TBPL2: variants seen among roughly 807,000 people sequenced by gnomAD.
TBPL2 encodes the protein TATA-box binding protein like 2, also known as TATA box-binding protein-like 2.
TBPL2 carries 40 observed loss-of-function variants against 38.2 expected under a neutral mutation model. The observed-to-expected ratio is 1.05, with a 90% CI of 0.81 to 1.36. The LOEUF (loss-of-function observed/expected upper bound fraction) is 1.36, where lower values mean the gene tolerates loss of function less well. Among genes scored for constraint, TBPL2 ranks in the 40% most tolerant of loss-of-function variants. The probability of loss-of-function intolerance (pLI) is 0.00; values close to 1 mark genes in which losing one functional copy is unlikely to be tolerated. For synonymous variants in TBPL2, 169 were observed against 171.7 expected (o/e 0.98, Z 0.12); for missense variants, 461 against 456.7 (o/e 1.01, Z -0.09).
rs1374632898 is a variant in TBPL2 at position 55,415,512 on chromosome 14, CT to C, written c.1052-1058del. ...AATACTACGCACTTTCATTGCAGCA[CT>C]ATTCACACTTGCCAAAAGGTGGAAA... On this transcript the variant is annotated intron_variant, in intron 6 of 6. Coordinates refer to ENST00000247219, the Ensembl canonical transcript of TBPL2. 2.0e-5 allele frequency among the ~76,000 whole-genome samples: 3 copies of C among 152,182 alleles called. No individual in the cohort carries two copies. In the East Asian group the frequency reaches 5.8e-4, roughly 29 times the overall value.
At chr14:55,414,312 A>G (rs892565228) in exon 7 of TBPL2, 2 of 1,187,614 alleles carry the variant, frequency 1.7e-6, no homozygotes, top group African/African-American at 3.1e-5. Context: ...AGAAGAATCC[A>G]GCTGTTTCTG....
chr14:55,424,889 G>A (rs748664781), intron 5 of TBPL2, among the ~76,000 whole-genome samples: 1 of 152,188 alleles, frequency 6.6e-6, no homozygotes, highest in Non-Finnish European at 1.5e-5. Flanking sequence ...ACTCCAGCCT[G>A]GAGAGGAGGG....
At chr14:55,436,023 T>TA in intron 2 of TBPL2, 89 bp from the exon 3 acceptor site, 1 of 778,744 alleles carries the variant, frequency 1.3e-6, no homozygotes, top group Non-Finnish European at 2.0e-6. Flanking sequence ...TCTTAGGTTA[T>TA]ACCTTAGCAA....
intron 6 of TBPL2, among the ~76,000 whole-genome samples, chr14:55,416,724 T>C (rs1021349103): frequency 1.3e-5 from 2 of 152,204 alleles, no homozygotes; most frequent in African/African-American, 4.8e-5. Context: ...TGATGGACTT[T>C]TTGGGCTTCT....
At chr14:55,433,994 T>C (rs1885975855) in intron 3 of TBPL2, among the ~76,000 whole-genome samples, 1 of 152,240 alleles carries the variant, frequency 6.6e-6, no homozygotes. Context: ...TTGTGTTTAT[T>C]ATCCTCATTT....
intron 5 of TBPL2, 32 bp from the exon 6 acceptor site, chr14:55,424,285 T>C: frequency 1.4e-6 from 2 of 1,450,212 alleles, no homozygotes; most frequent in Non-Finnish European, 1.9e-6. Flanking sequence ...ATGTTAAAAA[T>C]AGCACTATTC....
chr14:55,430,168 A>G (rs1885902330), intron 4 of TBPL2, among the ~76,000 whole-genome samples: 1 of 152,140 alleles, frequency 6.6e-6, no homozygotes. Context: ...GTAGGTAGCA[A>G]CACCTGCAGG....
exon 1 of TBPL2, chr14:55,440,528 C>A (rs1566596928): frequency 9.3e-6 from 15 of 1,607,352 alleles, no homozygotes; most frequent in Non-Finnish European, 1.2e-5. Context: ...CCCGCTCCGG[C>A]CAGGGCGCAG....
At chr14:55,419,030 C>T (rs189422244) in intron 6 of TBPL2, among the ~76,000 whole-genome samples, 25 of 152,342 alleles carry the variant, frequency 1.6e-4, no homozygotes, top group Non-Finnish European at 3.5e-4. Flanking sequence ...CCAGTCCATC[C>T]TTTTAGCCAC....
rs566048137 is a variant in TBPL2, at chr14:55,436,991, G to A, written c.178C>T (p.Leu60=). The change falls in exon 2 of 7, where the codon CTG becomes TTG. Residue 60 remains leucine (L), a synonymous_variant. Transcript: ENST00000247219. The stretch of plus-strand genomic sequence containing the variant: ...TCATAAGGTACAACTGGGCTGAACA[G>A]GGGAGACCTGGGTGGGGCAAGGCCA... 34 of 1,614,110 alleles carry A rather than the reference G, an allele frequency of 2.1e-5. No homozygotes were observed. In the African/African-American group the frequency reaches 4.0e-4, roughly 19 times the overall value.
chr14:55,424,261 G>A lies in TBPL2; in HGVS notation c.957-8C>T. The A allele has an allele frequency of 8.8e-6, 14 of 1,582,478 alleles. No homozygotes were observed. The highest frequency in any genetic ancestry group is 1.2e-5 in the Non-Finnish European group (14 of 1,152,666). ...AACAGTTCAGGCTCGTAACTGTTAA[G>A]ATGTAAAAGGAAAATGTTAAAAATA... is the stretch of plus-strand genomic sequence containing the variant. On this transcript the variant is annotated splice_region_variant and splice_polypyrimidine_tract_variant and intron_variant, in intron 5 of 6. Coordinates refer to ENST00000247219, the Ensembl canonical transcript of TBPL2.
intron 6 of TBPL2, among the ~76,000 whole-genome samples, chr14:55,422,231 T>G (rs554134761): frequency 6.6e-6 from 1 of 152,316 alleles, no homozygotes; most frequent in Admixed American, 6.5e-5. Context: ...GAGATCAGTT[T>G]GGCTCAGGCC....
At chr14:55,431,446 T>C (rs1237616131) in intron 4 of TBPL2, among the ~76,000 whole-genome samples, 1 of 152,252 alleles carries the variant, frequency 6.6e-6, no homozygotes, top group African/African-American at 2.4e-5. Context: ...AATGTGACCA[T>C]CCTTTCAGCT....
chr14:55,433,779 T>G, intron 3 of TBPL2, 58 bp from the exon 4 acceptor site: 2 of 1,491,736 alleles, frequency 1.3e-6, no homozygotes, highest in Non-Finnish European at 9.2e-7. Context: ...TTATCCCAGT[T>G]GAAAAAGCCG....
At chr14:55,434,466 T>A (rs1258514095) in intron 3 of TBPL2, among the ~76,000 whole-genome samples, 1 of 152,066 alleles carries the variant, frequency 6.6e-6, no homozygotes, top group Non-Finnish European at 1.5e-5. Flanking sequence ...CTGGGGTGGG[T>A]GCTAGCTTAA....
intron 3 of TBPL2, among the ~76,000 whole-genome samples, chr14:55,435,156 A>T (rs891845590): frequency 2.6e-5 from 4 of 152,218 alleles, no homozygotes; most frequent in Non-Finnish European, 5.9e-5. Context: ...GCCTTCTCAG[A>T]TAAGAGGAAT....
intron 1 of TBPL2, among the ~76,000 whole-genome samples, chr14:55,439,801 G>A (rs961085302): frequency 2.0e-5 from 3 of 151,580 alleles, no homozygotes; most frequent in Non-Finnish European, 2.9e-5. Flanking sequence ...CGTAGTGGCG[G>A]GCTCCTGTAG....
At chr14:55,414,449 T>C (rs1263986016) in exon 7 of TBPL2, 1 of 1,603,194 alleles carries the variant, frequency 6.2e-7, no homozygotes, top group Non-Finnish European at 8.5e-7. Flanking sequence ...AGAACGTTCT[T>C]TGGCACCTAT....
At chr14:55,440,328 G>T (rs1886090165) in intron 1 of TBPL2, 68 bp downstream of exon 1, 1 of 1,579,664 alleles carries the variant, frequency 6.3e-7, no homozygotes, top group Non-Finnish European at 8.6e-7. Flanking sequence ...AGGAACGAAG[G>T]CAAAGCCCTT....
Sources: allele counts gnomAD v4.1 joint callset (sites outside exome capture counted in the v4.1 genomes callset), GRCh38; gene constraint gnomAD v4.1.1; transcripts MANE v1.5; gene names NCBI Gene and HGNC (gene_info 2026-07-23, HGNC 2026-07-21).